TBL1XR1: variants seen among roughly 807,000 people sequenced by gnomAD.
TBL1XR1 encodes TBL1X/Y related 1, also known as F-box-like/WD repeat-containing protein TBL1XR1.
A neutral mutation model predicts 66.9 loss-of-function variants in TBL1XR1; 5 were observed. That is an observed-to-expected ratio of 0.07 (90% CI 0.04 to 0.16). The LOEUF is 0.16. Among genes scored for constraint, TBL1XR1 ranks in the 10% least tolerant of loss-of-function variants. The pLI, the probability that TBL1XR1 is intolerant of heterozygous loss-of-function variation, is 1.00. For synonymous variants in TBL1XR1, 210 were observed against 206.0 expected, an observed-to-expected ratio of 1.02 and a Z score of -0.17; for missense variants, 238 against 623.2, an observed-to-expected ratio of 0.38 and a Z score of 6.58.
chr3:177,179,183 A>C (rs538254161), intron 1 of TBL1XR1, among the ~76,000 whole-genome samples: 1 of 152,042 alleles, frequency 6.6e-6, no homozygotes, highest in Admixed American at 6.6e-5. Context: ...ATCGCACAAC[A>C]ACCCCCTCCA....
At chr3:177,078,424 T>A (rs1025024147) in intron 2 of TBL1XR1, among the ~76,000 whole-genome samples, 30 of 149,430 alleles carry the variant, frequency 2.0e-4, no homozygotes, top group East Asian at 5.9e-4. Context: ...AAAAAAAAAA[T>A]TTTGGTTTTA....
chr3:177,026,472 T>C lies in TBL1XR1; in HGVS notation c.1419A>G (p.Thr473=), dbSNP rs899195854. The stretch of plus-strand genomic sequence containing the variant: ...CCCTATAGCTGTGAACTAGAGCACC[T>C]GTCTAAAAGAATGAAAAACAAAATC... ...DKCVHIWNTQ[T]GALVHSYRGT... is the part of the protein sequence containing the mutation. Residue 473 remains threonine, a splice_region_variant and synonymous_variant, in exon 15 of 16, where the codon ACA becomes ACG. Transcript: ENST00000457928. The C allele has an allele frequency of 1.9e-6, 3 of 1,577,082 alleles. No individual in the cohort carries two copies. The highest frequency in any genetic ancestry group is 2.6e-6 in the Non-Finnish European group (3 of 1,169,006).
At chr3:177,194,317 CTT>C (rs1041425123) in intron 1 of TBL1XR1, among the ~76,000 whole-genome samples, 1 of 152,176 alleles carries the variant, frequency 6.6e-6, no homozygotes, top group African/African-American at 2.4e-5. Context: ...ATTTCAGTGA[CTT>C]ATACTGTAAA....
chr3:177,074,579 C>T (rs759120490), intron 2 of TBL1XR1, among the ~76,000 whole-genome samples: 30 of 152,288 alleles, frequency 2.0e-4, no homozygotes, highest in Non-Finnish European at 2.4e-4. Context: ...CCCACCTTCT[C>T]GTGAGCCTGA....
intron 2 of TBL1XR1, among the ~76,000 whole-genome samples, chr3:177,098,223 A>AAAAAG (rs3046471): frequency 0.64 from 96,715 of 150,842 alleles, 31,625 homozygotes; most frequent in African/African-American, 0.77. Flanking sequence ...AAAAAAACAT[A>AAAAAG]AAAAGAAAAG....
chr3:177,189,394 G>C (rs1433882867), intron 1 of TBL1XR1, among the ~76,000 whole-genome samples: 1 of 151,868 alleles, frequency 6.6e-6, no homozygotes, highest in Non-Finnish European at 1.5e-5. Context: ...GTACACGCCT[G>C]TTAGTCCCAG....
rs778688857 is a variant in TBL1XR1, at chr3:177,038,427, T to C, written c.933A>G (p.Ala311=). The change falls in exon 11 of 16, where the codon GCA becomes GCG. Residue 311 remains alanine (A), a synonymous_variant. Coordinates refer to ENST00000457928, the MANE Select transcript of TBL1XR1 (RefSeq NM_024665.7). ...TGTTGCTCTGCCAATCAACATCCAA[T>C]GCTGGTGCTGCAAAGGAACAAAGGT... ...KQQFPFHSAP[A]LDVDWQSNNT... 6 of 1,548,414 alleles carry C rather than the reference T, an allele frequency of 3.9e-6. No individual in the cohort carries two copies. The Admixed American group carries it at 6.1e-5, about 16-fold the overall frequency.
intron 1 of TBL1XR1, chr3:177,195,588 A>T (rs1018224322): frequency 6.6e-6 from 1 of 151,988 alleles, no homozygotes; most frequent in African/African-American, 2.4e-5. Flanking sequence ...TGTAATCGAA[A>T]TTATTTATTC....
intron 1 of TBL1XR1, among the ~76,000 whole-genome samples, chr3:177,186,274 T>C (rs1735392578): frequency 6.6e-6 from 1 of 152,186 alleles, no homozygotes; most frequent in South Asian, 2.1e-4. Flanking sequence ...ATCATTTTAC[T>C]AGGGGAAAAA....
intron 2 of TBL1XR1, among the ~76,000 whole-genome samples, chr3:177,067,703 T>G (rs1719351638): frequency 6.6e-6 from 1 of 151,600 alleles, no homozygotes; most frequent in African/African-American, 2.4e-5. Flanking sequence ...GCAATTAAGT[T>G]TTTTTTTTAA....
intron 1 of TBL1XR1, among the ~76,000 whole-genome samples, chr3:177,099,843 T>G (rs1435605108): frequency 6.6e-6 from 1 of 152,274 alleles, no homozygotes; most frequent in African/African-American, 2.4e-5. Flanking sequence ...CTACTTGTTA[T>G]CTAAAAATCA....
intron 1 of TBL1XR1, among the ~76,000 whole-genome samples, chr3:177,121,181 A>G (rs1239588485): frequency 6.6e-6 from 1 of 152,200 alleles, no homozygotes; most frequent in Non-Finnish European, 1.5e-5. Flanking sequence ...TCTTGTCCTC[A>G]GGAAACAAAC....
At chr3:177,050,887 C>T (rs1015090499) in intron 5 of TBL1XR1, among the ~76,000 whole-genome samples, 5 of 151,714 alleles carry the variant, frequency 3.3e-5, no homozygotes, top group South Asian at 2.1e-4. Context: ...ATGGATAAAA[C>T]GATAAAATGG....
chr3:177,201,254 T>C (rs1387037894), upstream of TBL1XR1, among the ~76,000 whole-genome samples: 11 of 150,924 alleles, frequency 7.3e-5, no homozygotes, highest in Admixed American at 7.3e-4. Context: ...CTACTAAAAA[T>C]TCAAAAATTA....
intron 1 of TBL1XR1, among the ~76,000 whole-genome samples, chr3:177,124,105 G>A (rs774185757): frequency 4.0e-4 from 61 of 151,980 alleles, no homozygotes; most frequent in Admixed American, 1.4e-3. Flanking sequence ...TAGATCAAGC[G>A]ATGAGACCAA....
chr3:177,121,745 G>C (rs1449163021), intron 1 of TBL1XR1, among the ~76,000 whole-genome samples: 1 of 152,098 alleles, frequency 6.6e-6, no homozygotes, highest in African/African-American at 2.4e-5. Flanking sequence ...CATCGAGGCT[G>C]TTCCTTGTGA....
intron 4 of TBL1XR1, 39 bp downstream of exon 4, chr3:177,053,734 A>C: frequency 6.3e-7 from 1 of 1,580,544 alleles, no homozygotes; most frequent in Non-Finnish European, 8.6e-7. Flanking sequence ...GGCATATTTA[A>C]GATGAAAAAA....
chr3:177,192,849 TG>T (rs1736338017), intron 1 of TBL1XR1, among the ~76,000 whole-genome samples: 1 of 152,104 alleles, frequency 6.6e-6, no homozygotes, highest in African/African-American at 2.4e-5. Context: ...CTTACACTGA[TG>T]AAGAAACAAA....
intron 2 of TBL1XR1, among the ~76,000 whole-genome samples, chr3:177,095,725 G>T (rs148839501): frequency 1.9e-4 from 29 of 151,980 alleles, no homozygotes; most frequent in Admixed American, 1.9e-3. Flanking sequence ...CAAGTGATCC[G>T]CCTGCCTCGG....
Sources: allele counts gnomAD v4.1 joint callset (sites outside exome capture counted in the v4.1 genomes callset), GRCh38; gene constraint gnomAD v4.1.1; transcripts MANE v1.5; gene names NCBI Gene and HGNC (gene_info 2026-07-23, HGNC 2026-07-21).